RARB: variants seen among roughly 807,000 people sequenced by gnomAD.
RARB encodes the protein retinoic acid receptor beta, also known as HBV-activated protein.
A neutral mutation model predicts 51.9 loss-of-function variants in RARB; 17 were observed. The ratio of observed to expected loss-of-function variants is 0.33; its 90% CI spans 0.22 to 0.49. The LOEUF (loss-of-function observed/expected upper bound fraction) is 0.49. RARB is among the 20% of genes least tolerant of loss of function. The pLI, the probability that RARB is intolerant of heterozygous loss-of-function variation, is 0.99. For missense variants in RARB, 369 were observed against 550.8 expected (o/e 0.67, Z 3.30); for synonymous variants, 215 against 195.4 (o/e 1.10, Z -0.84).
intron 2 of RARB, among the ~76,000 whole-genome samples, chr3:25,032,814 GTATT>G (rs1697902793): frequency 6.6e-6 from 1 of 152,178 alleles, no homozygotes; most frequent in Admixed American, 6.5e-5. Context: ...TTCTGCAAAT[GTATT>G]TATAAAAGTT....
At chr3:25,012,286 AGTTT>A (rs1181954665) in intron 2 of RARB, among the ~76,000 whole-genome samples, 2 of 152,124 alleles carry the variant, frequency 1.3e-5, no homozygotes, top group Non-Finnish European at 2.9e-5. Flanking sequence ...TTTTTAAAGC[AGTTT>A]GTTTCTTATT....
At chr3:25,558,392 G>A (rs190241763) in intron 3 of RARB, among the ~76,000 whole-genome samples, 4 of 152,144 alleles carry the variant, frequency 2.6e-5, no homozygotes, top group Non-Finnish European at 4.4e-5. Flanking sequence ...CCAGGCTGCT[G>A]CTGCTTCAAA....
upstream of RARB, among the ~76,000 whole-genome samples, chr3:25,423,516 C>T (rs1707913016): frequency 6.6e-6 from 1 of 152,150 alleles, no homozygotes; most frequent in Non-Finnish European, 1.5e-5. Context: ...CAGCACCCCC[C>T]CACACAATCC....
chr3:25,329,064 G>A (rs185986113), intron 5 of RARB, among the ~76,000 whole-genome samples: 2 of 152,214 alleles, frequency 1.3e-5, no homozygotes, highest in Non-Finnish European at 2.9e-5. Flanking sequence ...GCTCAAGGAG[G>A]CCTGCCTGCC....
chr3:24,836,635 T>A (rs181493989), intron 1 of RARB, among the ~76,000 whole-genome samples: 1 of 152,206 alleles, frequency 6.6e-6, no homozygotes, highest in Non-Finnish European at 1.5e-5. Flanking sequence ...GCCCCTGTTA[T>A]CTCTCTGACC....
chr3:25,147,053 C>T (rs1700205205), intron 4 of RARB, among the ~76,000 whole-genome samples: 1 of 152,112 alleles, frequency 6.6e-6, no homozygotes, highest in Admixed American at 6.5e-5. Context: ...CCAAGCTCTC[C>T]AGATGATTCT....
At chr3:25,164,215 T>C (rs1337528657) in intron 4 of RARB, among the ~76,000 whole-genome samples, 1 of 152,210 alleles carries the variant, frequency 6.6e-6, no homozygotes, top group African/African-American at 2.4e-5. Flanking sequence ...TGTTGGAGGA[T>C]GGTCAAGTGA....
chr3:25,482,665 G>A (rs112756561), intron 2 of RARB, among the ~76,000 whole-genome samples: 58 of 149,568 alleles, frequency 3.9e-4, no homozygotes, highest in African/African-American at 1.2e-3. Flanking sequence ...TCAGCCTCCC[G>A]AGTAGCTGGG....
chr3:25,186,891 G>GTGTGTC (rs1700990839), intron 5 of RARB, among the ~76,000 whole-genome samples: 1 of 113,214 alleles, frequency 8.8e-6, no homozygotes, highest in Non-Finnish European at 2.0e-5. Flanking sequence ...AAGCCTGTGT[G>GTGTGTC]TGTGTGTGTG....
intron 5 of RARB, among the ~76,000 whole-genome samples, chr3:25,366,889 C>G (rs1278898487): frequency 1.3e-5 from 2 of 152,070 alleles, no homozygotes; most frequent in Admixed American, 1.3e-4. Flanking sequence ...GAGTGGTGAA[C>G]ATATTGTTAG....
At chr3:25,171,643 T>TTAAAAAAAAAAAAAAA (rs1553639737) in intron 4 of RARB, among the ~76,000 whole-genome samples, 3 of 45,470 alleles carry the variant, frequency 6.6e-5, no homozygotes, top group African/African-American at 2.4e-4. Context: ...CCCTGGTTGG[T>TTAAAAAAAAAAAAAAA]AAAAAAAAAA....
chr3:25,207,138 C>T (rs1176737273), intron 5 of RARB, among the ~76,000 whole-genome samples: 1 of 152,102 alleles, frequency 6.6e-6, no homozygotes, highest in Non-Finnish European at 1.5e-5. Flanking sequence ...ATGTATAAAT[C>T]ACTACTGCTT....
intron 2 of RARB, among the ~76,000 whole-genome samples, chr3:25,053,628 A>G (rs1698382035): frequency 6.6e-6 from 1 of 152,190 alleles, no homozygotes; most frequent in African/African-American, 2.4e-5. Flanking sequence ...TGGCTTGCAA[A>G]CAAATACAAA....
intron 1 of RARB, among the ~76,000 whole-genome samples, chr3:24,833,870 G>A (rs576041862): frequency 1.3e-5 from 2 of 152,220 alleles, no homozygotes; most frequent in South Asian, 4.2e-4. Context: ...TAAGTATTTT[G>A]GACTAATACC....
At chr3:24,921,068 G>A (rs576790181) in intron 2 of RARB, among the ~76,000 whole-genome samples, 1 of 152,122 alleles carries the variant, frequency 6.6e-6, no homozygotes, top group Non-Finnish European at 1.5e-5. Flanking sequence ...GGTCAAGGTG[G>A]CACCTGTCTG....
At chr3:25,100,931 G>C (rs535547415) in intron 3 of RARB, among the ~76,000 whole-genome samples, 43 of 152,286 alleles carry the variant, frequency 2.8e-4, no homozygotes, top group African/African-American at 9.9e-4. Context: ...TTGGCTCTTA[G>C]CCCTACACTC....
intron 5 of RARB, among the ~76,000 whole-genome samples, chr3:25,299,964 C>T: frequency 6.6e-6 from 1 of 152,214 alleles, no homozygotes; most frequent in Non-Finnish European, 1.5e-5. Flanking sequence ...ATAATTACAA[C>T]TGTGCATAGC....
chr3:25,396,749 G>A (rs1322883529), intron 5 of RARB, among the ~76,000 whole-genome samples: 1 of 152,096 alleles, frequency 6.6e-6, no homozygotes, highest in East Asian at 1.9e-4. Context: ...CAGGCCCATG[G>A]AGTTATGTTC....
intron 2 of RARB, among the ~76,000 whole-genome samples, chr3:24,951,984 T>C (rs1036994191): frequency 6.6e-6 from 1 of 152,178 alleles, no homozygotes; most frequent in Non-Finnish European, 1.5e-5. Context: ...GCATTGCAAA[T>C]TGCCCTGTAT....
Sources: gnomAD v4.1 joint callset for allele counts (sites outside exome capture counted in the v4.1 genomes callset) on GRCh38, gnomAD v4.1.1 for gene constraint, MANE v1.5 for transcripts, NCBI Gene and HGNC (gene_info 2026-07-23, HGNC 2026-07-21) for gene names.